Variants in GPT2 observed in about 807,000 individuals in gnomAD.
The protein encoded by GPT2 is glutamic--pyruvic transaminase 2.
GPT2 carries 30 observed loss-of-function variants against 56.9 expected under a neutral mutation model. The observed-to-expected ratio is 0.53, with a 90% CI of 0.39 to 0.72. The LOEUF is 0.72. GPT2 is among the 30% of genes least tolerant of loss of function. The pLI is 0.00. For missense variants in GPT2, 542 were observed against 703.4 expected (o/e 0.77, Z 2.60); for synonymous variants, 271 against 283.1 (o/e 0.96, Z 0.43).
chr16:46,884,920 G>T lies in GPT2; in HGVS notation c.205G>T (p.Val69Leu). 1 of 1,537,624 alleles carries T rather than the reference G, an allele frequency of 6.5e-7. No individual in the cohort carries two copies. Among genetic ancestry groups the T allele is most frequent in the Non-Finnish European group, 8.8e-7 (1 of 1,140,990 alleles). ...AVEYAVRGPI[V>L]LKAGEIELEL... Reference sequence around the variant, plus strand: ...GGAGTACGCCGTGCGGGGACCCATCGTGCTCAAGGCCGGCGAGATCGAGCT... The same window carrying T: ...GGAGTACGCCGTGCGGGGACCCATCTTGCTCAAGGCCGGCGAGATCGAGCT... The change falls in exon 2 of 12, where the codon GTG (valine) becomes TTG (leucine). Residue 69 changes from valine to leucine, a missense_variant. Val to Leu is a conservative substitution (Grantham distance 32). Transcript: ENST00000340124.
At chr16:46,901,293 C>G (rs569546212) in intron 4 of GPT2, among the ~76,000 whole-genome samples, 12 of 152,310 alleles carry the variant, frequency 7.9e-5, no homozygotes, top group African/African-American at 2.9e-4. Context: ...CCAGTACCCC[C>G]TGGTACTTCA....
intron 9 of GPT2, 104 bp from the exon 10 acceptor site, chr16:46,924,285 A>T (rs1231898079): frequency 7.6e-7 from 1 of 1,309,622 alleles, no homozygotes; most frequent in Non-Finnish European, 1.1e-6. Flanking sequence ...GCTGGAGCAA[A>T]GTCATCATCT....
chr16:46,896,504 TG>T (rs1269552784), intron 2 of GPT2, among the ~76,000 whole-genome samples: 1 of 152,112 alleles, frequency 6.6e-6, no homozygotes, highest in East Asian at 1.9e-4. Flanking sequence ...CTGCAAAGAA[TG>T]GGTTGCAAGA....
intron 4 of GPT2, among the ~76,000 whole-genome samples, chr16:46,904,745 G>A (rs1304988293): frequency 6.6e-6 from 1 of 152,146 alleles, no homozygotes; most frequent in Non-Finnish European, 1.5e-5. Context: ...CATTGAAAAG[G>A]GGTGAAGGGA....
At chr16:46,918,481 C>T in intron 7 of GPT2, 140 bp from the exon 8 acceptor site, 1 of 931,450 alleles carries the variant, frequency 1.1e-6, no homozygotes. Flanking sequence ...GCACACTTGG[C>T]TCATCCCTGG....
At chr16:46,912,048 C>T (rs147602136) in intron 6 of GPT2, among the ~76,000 whole-genome samples, 206 of 152,264 alleles carry the variant, frequency 1.4e-3, no homozygotes, top group African/African-American at 4.6e-3. Flanking sequence ...GTGTGAGAGT[C>T]AGTCAGCTGT....
chr16:46,889,532 T>A (rs1320525497), intron 2 of GPT2, among the ~76,000 whole-genome samples: 2 of 152,102 alleles, frequency 1.3e-5, no homozygotes, highest in Admixed American at 1.3e-4. Flanking sequence ...CAGGATTACC[T>A]GTGTGAGCCA....
In GPT2 at chr16:46,884,733, G is replaced by A. The variant is rs1960447691; in HGVS notation, c.18G>A (p.Ala6=). The A allele has an allele frequency of 4.3e-6, 6 of 1,387,630 alleles. No homozygotes were observed. In the East Asian group the frequency reaches 1.1e-4, roughly 26 times the overall value. The allele number at this position is 1,387,630 out of a possible 1,614,324, so 86.0% of individuals were successfully genotyped here. A position where few individuals can be genotyped will look rare whatever the true frequency, so the allele number is the denominator to read the frequency against. The change falls in exon 2 of 12, where the codon GCG becomes GCA. Residue 6 remains alanine (A), a synonymous_variant. Transcript: ENST00000340124. MQRAA[A]LVRRGCGPRT... is the part of the protein sequence containing the mutation. Reference sequence around the variant, plus strand: ...AGCGCGCGATGCAGCGGGCGGCGGCGCTGGTCCGGCGGGGCTGTGGTCCCC... The same window carrying A: ...AGCGCGCGATGCAGCGGGCGGCGGCACTGGTCCGGCGGGGCTGTGGTCCCC...
intron 8 of GPT2, 82 bp from the exon 9 acceptor site, chr16:46,922,160 C>CT: frequency 7.2e-7 from 1 of 1,390,554 alleles, no homozygotes; most frequent in Non-Finnish European, 1.0e-6. Context: ...TGTGGGAATG[C>CT]TTTCGATTCT....
At chr16:46,909,979 C>T (rs749749726) in intron 6 of GPT2, 52 bp downstream of exon 6, 1 of 1,526,530 alleles carries the variant, frequency 6.6e-7, no homozygotes, top group Non-Finnish European at 8.8e-7. Context: ...GTGGCTGATA[C>T]ACTGGCTGTC....
chr16:46,904,008 G>A (rs749123046), intron 4 of GPT2, among the ~76,000 whole-genome samples: 13 of 152,182 alleles, frequency 8.5e-5, no homozygotes, highest in Non-Finnish European at 1.6e-4. Context: ...CCGGACCAGC[G>A]AACAGTGTGT....
chr16:46,898,996 C>CATATAT (rs1567335163), intron 3 of GPT2, among the ~76,000 whole-genome samples: 18 of 107,874 alleles, frequency 1.7e-4, no homozygotes, highest in African/African-American at 6.9e-4. Flanking sequence ...ATATATAACA[C>CATATAT]ACATATATAT....
chr16:46,889,202 A>AT (rs1960539283), intron 2 of GPT2, among the ~76,000 whole-genome samples: 1 of 126,780 alleles, frequency 7.9e-6, no homozygotes, highest in Non-Finnish European at 1.7e-5. Flanking sequence ...TAATTTTTGC[A>AT]TTTTTTTGTA....
In GPT2 at chr16:46,906,931, C is replaced by G. The variant is rs953567991; in HGVS notation, c.532C>G (p.Pro178Ala). Reference protein sequence around the residue: ...TRRDGGVPADPDNIYLTTGAS... With the variant: ...TRRDGGVPADADNIYLTTGAS... The stretch of plus-strand genomic sequence containing the variant: ...GAGGGATGGCGGTGTGCCTGCGGAC[C>G]CCGACAACATCTACCTGACCACGGG... The change falls in exon 5 of 12, where the codon CCC becomes GCC. Residue 178 changes from proline (P) to alanine (A), a missense_variant. Transcript: ENST00000340124. 1.9e-6 allele frequency: 3 copies of G among 1,614,196 alleles called. No homozygotes were observed. The highest frequency in any genetic ancestry group is 2.5e-6 in the Non-Finnish European group (3 of 1,180,046).
intron 2 of GPT2, among the ~76,000 whole-genome samples, chr16:46,895,824 C>T (rs544904353): frequency 8.5e-5 from 13 of 152,328 alleles, no homozygotes; most frequent in African/African-American, 2.6e-4. Context: ...TGAGCCACCA[C>T]GTCCAGCCAC....
chr16:46,884,542 G>A, intron 1 of GPT2, 75 bp downstream of exon 1: 3 of 757,650 alleles, frequency 4.0e-6, no homozygotes, highest in Non-Finnish European at 5.4e-6. Flanking sequence ...CAGCGGCGCC[G>A]TGGAGGGTCC....
At chr16:46,923,505 C>T (rs1349858252) in intron 9 of GPT2, among the ~76,000 whole-genome samples, 2 of 152,232 alleles carry the variant, frequency 1.3e-5, no homozygotes, top group African/African-American at 2.4e-5. Flanking sequence ...TTGTGACTGG[C>T]TTATTTTCCT....
chr16:46,905,846 A>AC (rs980214509), intron 4 of GPT2, among the ~76,000 whole-genome samples: 2 of 151,870 alleles, frequency 1.3e-5, no homozygotes, highest in Non-Finnish European at 2.9e-5. Context: ...TCTAGTCAAT[A>AC]CCCCCACCCC....
intron 4 of GPT2, among the ~76,000 whole-genome samples, chr16:46,905,203 C>T (rs140095576): frequency 6.6e-6 from 1 of 152,060 alleles, no homozygotes; most frequent in Non-Finnish European, 1.5e-5. Flanking sequence ...ATTACAGGCA[C>T]CTGCCACCAT....
Sources: allele counts gnomAD v4.1 joint callset (sites outside exome capture counted in the v4.1 genomes callset), GRCh38; gene constraint gnomAD v4.1.1; transcripts MANE v1.5; gene names NCBI Gene and HGNC (gene_info 2026-07-23, HGNC 2026-07-21).